RLF: variants seen among roughly 807,000 people sequenced by gnomAD.
RLF encodes the protein RLF zinc finger.
Under a neutral mutation model 162.9 loss-of-function variants are expected in RLF, and 7 were observed. The observed-to-expected ratio is 0.04, with a 90% confidence interval of 0.02 to 0.08. RLF has a LOEUF of 0.08. Among genes scored for constraint, RLF ranks in the 10% least tolerant of loss-of-function variants. The probability of loss-of-function intolerance (pLI) is 1.00; values close to 1 mark genes in which losing one functional copy is unlikely to be tolerated. For synonymous variants in RLF, 782 were observed against 791.5 expected (o/e 0.99, Z 0.20); for missense variants, 1,664 against 2,244.7 (o/e 0.74, Z 5.23).
chr1:40,226,886 T>G (rs888867714), intron 6 of RLF, among the ~76,000 whole-genome samples: 4 of 152,238 alleles, frequency 2.6e-5, no homozygotes, highest in South Asian at 2.1e-4. Flanking sequence ...ATTTTTGAGA[T>G]AGAGTTTTGC....
Position 40,238,056 on chromosome 1 carries a change from C to T in RLF, c.3354C>T (p.Tyr1118=). ...QNQDENMPSQ[Y]LAQLAAKPFF... is the part of the protein sequence containing the mutation. The stretch of plus-strand genomic sequence containing the variant: ...AAGATGAAAACATGCCAAGTCAGTA[C>T]CTTGCACAGTTGGCGGCTAAGCCGT... The change falls in exon 8 of 8, where the codon TAC becomes TAT. Residue 1118 remains tyrosine, a synonymous_variant. Coordinates refer to ENST00000372771, the MANE Select transcript of RLF (RefSeq NM_012421.4). The surrounding 1 kb of genome is among the most constrained non-coding windows in gnomAD (Gnocchi z 5.2). The T allele has an allele frequency of 1.2e-6, 2 of 1,614,052 alleles. No individual in the cohort carries two copies. The highest frequency in any genetic ancestry group is 1.7e-6 in the Non-Finnish European group (2 of 1,179,968).
intron 7 of RLF, among the ~76,000 whole-genome samples, chr1:40,233,212 TCA>T (rs1643175152): frequency 6.6e-6 from 1 of 152,172 alleles, no homozygotes; most frequent in Non-Finnish European, 1.5e-5. Context: ...ACCAATTTCT[TCA>T]AAATTCAGCT....
Position 40,238,935 on chromosome 1 carries a change from G to T in RLF, c.4233G>T (p.Gln1411His). The T allele has an allele frequency of 6.2e-7, 1 of 1,614,192 alleles. No individual in the cohort carries two copies. Among genetic ancestry groups the T allele is most frequent in the Non-Finnish European group, 8.5e-7 (1 of 1,180,024 alleles). Residue 1411 changes from glutamine (Q) to histidine (H), a missense_variant, in exon 8 of 8, where the codon CAG becomes CAT. Coordinates refer to ENST00000372771, the MANE Select transcript of RLF (RefSeq NM_012421.4). This position sits in a 1 kb window ranked among gnomAD's most constrained non-coding sequence, Gnocchi z 5.2. ...CTGCAGCAAGGTTTTCTTGTAACCA[G>T]CCTCAGTGCCCTGCTGTTTTTTATA... is the stretch of plus-strand genomic sequence containing the variant. ...AGSAARFSCN[Q>H]PQCPAVFYTF...
At position 40,240,344 on chromosome 1, in the gene RLF, A is replaced by G. The variant is rs1205759359; in HGVS notation, c.5642A>G (p.Tyr1881Cys). Residue 1881 changes from tyrosine (Y) to cysteine (C), a missense_variant, in exon 8 of 8, where the codon TAT becomes TGT. Tyr to Cys is a radical substitution (Grantham distance 194, BLOSUM62 -2). This residue lies in a region of RLF where 27 missense variants were observed against 52.5 expected (regional missense o/e 0.51). Coordinates refer to ENST00000372771, the MANE Select transcript of RLF (RefSeq NM_012421.4). ...GAGCTTGCCTTAAAACAGCTTCATT[A>G]TCTTCGGCCAGTGGTGGTTCTTGAA... The part of the protein sequence containing the change: ...CGELALKQLH[Y>C]LRPVVVLERS... 2 of 1,614,098 alleles carry G rather than the reference A, an allele frequency of 1.2e-6. No homozygotes were observed. Among genetic ancestry groups the G allele is most frequent in the Middle Eastern group, 1.6e-4 (1 of 6,084 alleles).
At chr1:40,210,902 A>C (rs549244901) in intron 5 of RLF, among the ~76,000 whole-genome samples, 2 of 152,356 alleles carry the variant, frequency 1.3e-5, no homozygotes, top group East Asian at 3.9e-4. Context: ...TATTAATAAC[A>C]ATGTTTGGAA....
chr1:40,236,534 G>A lies in RLF; in HGVS notation c.1832G>A (p.Arg611Lys). 8 of 1,614,058 alleles carry A rather than the reference G, an allele frequency of 5.0e-6. No individual in the cohort carries two copies. Among genetic ancestry groups the A allele is most frequent in the Non-Finnish European group, 6.8e-6 (8 of 1,179,986 alleles). ...VMEHVKMPPS[R>K]RDRSKKKLLL... ...GAGCATGTTAAAATGCCACCAAGCAGAAGGGACCGCTCTAAAAAGAAATTA... is the reference window on the plus strand; with the variant it reads ...GAGCATGTTAAAATGCCACCAAGCAAAAGGGACCGCTCTAAAAAGAAATTA... Residue 611 changes from arginine (R) to lysine (K), a missense_variant, in exon 8 of 8, where the codon AGA becomes AAA. Physicochemically the swap from Arg to Lys is conservative, Grantham distance 26. Around this residue, in one of 15 missense-constraint regions of RLF, gnomAD observed 50 missense variants for 46.7 expected, o/e 1.07. Transcript: ENST00000372771. This position sits in a 1 kb window ranked among gnomAD's most constrained non-coding sequence, Gnocchi z 7.7.
intron 1 of RLF, among the ~76,000 whole-genome samples, chr1:40,181,978 A>G (rs907674472): frequency 2.0e-5 from 3 of 152,328 alleles, no homozygotes; most frequent in African/African-American, 2.4e-5. Context: ...ATAATACTGC[A>G]AAGTTAGAAG....
chr1:40,218,990 TTAAGTA>T (rs74259871), intron 5 of RLF, among the ~76,000 whole-genome samples: 7,879 of 152,196 alleles, frequency 0.052, 586 homozygotes, highest in African/African-American at 0.17. Flanking sequence ...TTTCAGTATC[TTAAGTA>T]TAAGATGTTT....
At chr1:40,229,053 G>A (rs893791152) in intron 6 of RLF, among the ~76,000 whole-genome samples, 4 of 152,094 alleles carry the variant, frequency 2.6e-5, no homozygotes, top group African/African-American at 9.7e-5. Context: ...ATCCTCTGCT[G>A]AGGTTATAGG....
intron 1 of RLF, among the ~76,000 whole-genome samples, chr1:40,168,049 A>C (rs1642190519): frequency 6.6e-6 from 1 of 151,786 alleles, no homozygotes; most frequent in Non-Finnish European, 1.5e-5. Context: ...TACAAAAAAA[A>C]AAAAATTAAA....
intron 1 of RLF, among the ~76,000 whole-genome samples, chr1:40,169,579 G>C (rs1642212111): frequency 7.6e-6 from 1 of 132,132 alleles, no homozygotes; most frequent in Admixed American, 8.1e-5. Flanking sequence ...TTGCGCCACT[G>C]CAGTCCGCAG....
chr1:40,165,329 T>A (rs1642150108), intron 1 of RLF, among the ~76,000 whole-genome samples: 1 of 152,248 alleles, frequency 6.6e-6, no homozygotes, highest in African/African-American at 2.4e-5. Context: ...ATTAAAATTT[T>A]GTCTGTAAGT....
intron 5 of RLF, among the ~76,000 whole-genome samples, chr1:40,221,917 A>AAAAAAAAAAAAGAG (rs1486982312): frequency 5.3e-5 from 8 of 150,368 alleles, no homozygotes; most frequent in African/African-American, 2.0e-4. Context: ...AAAAAAAAAA[A>AAAAAAAAAAAAGAG]AGAGAAAGGA....
At chr1:40,176,105 T>C (rs1485404093) in intron 1 of RLF, among the ~76,000 whole-genome samples, 1 of 152,244 alleles carries the variant, frequency 6.6e-6, no homozygotes, top group Non-Finnish European at 1.5e-5. Context: ...TGATGAGTAT[T>C]CATTATATGG....
At chr1:40,227,514 G>A (rs929016804) in intron 6 of RLF, among the ~76,000 whole-genome samples, 1 of 152,156 alleles carries the variant, frequency 6.6e-6, no homozygotes, top group East Asian at 1.9e-4. Flanking sequence ...CATACTGGCT[G>A]TCGTGGTTTC....
In RLF at chr1:40,222,888, G is replaced by A. The variant is rs61778548; in HGVS notation, c.947+178G>A. 3.7e-3 allele frequency among the ~76,000 whole-genome samples: 556 copies of A among 152,270 alleles called. 13 individuals carry two copies. Among genetic ancestry groups the A allele is most frequent in the East Asian group, 0.032 (165 of 5,194 alleles). On this transcript the variant is annotated intron_variant, in intron 6 of 7. Coordinates refer to ENST00000372771, the MANE Select transcript of RLF (RefSeq NM_012421.4). ...ATTGGTTTAATCTAGTCAAGAAAAGGTAAAATGTTCCTCTTGATCATCCCA... is the reference window on the plus strand; with the variant it reads ...ATTGGTTTAATCTAGTCAAGAAAAGATAAAATGTTCCTCTTGATCATCCCA...
chr1:40,173,763 C>T (rs1321889969), intron 1 of RLF, among the ~76,000 whole-genome samples: 2 of 152,148 alleles, frequency 1.3e-5, no homozygotes, highest in African/African-American at 4.8e-5. Flanking sequence ...GATCCGCCCA[C>T]CTTGGCCTTC....
At position 40,212,219 on chromosome 1, in the gene RLF, T is replaced by A. The variant is rs1028604510; in HGVS notation, c.810+9605T>A. On this transcript the variant is annotated intron_variant, in intron 5 of 7. Coordinates refer to ENST00000372771, the MANE Select transcript of RLF (RefSeq NM_012421.4). Reference sequence around the variant, plus strand: ...GGCATATGTAATGGGAAACCGCTGCTGGGGAAGATTTAGCCAGACACATAC... The same window carrying A: ...GGCATATGTAATGGGAAACCGCTGCAGGGGAAGATTTAGCCAGACACATAC... 3.3e-5 allele frequency among the ~76,000 whole-genome samples: 5 copies of A among 152,276 alleles called. No individual in the cohort carries two copies. The South Asian group carries it at 1.0e-3, about 32-fold the overall frequency.
intron 6 of RLF, among the ~76,000 whole-genome samples, chr1:40,230,385 C>T (rs779218202): frequency 2.6e-5 from 4 of 152,092 alleles, no homozygotes; most frequent in Non-Finnish European, 5.9e-5. Flanking sequence ...AAAAGAGCCA[C>T]ATGTATTAAG....
Sources: allele counts gnomAD v4.1 joint callset (sites outside exome capture counted in the v4.1 genomes callset), GRCh38; gene constraint gnomAD v4.1.1; regional missense constraint gnomAD v4.1.1; non-coding constraint Gnocchi (gnomAD v3.1); transcripts MANE v1.5; gene names NCBI Gene and HGNC (gene_info 2026-07-23, HGNC 2026-07-21).